The following UNC13B variants were observed in gnomAD, a reference collection of about 807,000 sequenced individuals.
UNC13B encodes the protein protein unc-13 homolog B.
Under a neutral mutation model 211.0 loss-of-function variants are expected in UNC13B, and 144 were observed. That is an observed-to-expected ratio of 0.68 (90% CI 0.60 to 0.78). The LOEUF is 0.78. Ranked by LOEUF, UNC13B falls within the 30% of genes least tolerant of loss-of-function variation. The probability of loss-of-function intolerance (pLI) is 0.00; values close to 1 mark genes in which losing one functional copy is unlikely to be tolerated. For missense variants in UNC13B, 1,777 were observed against 2,002.0 expected (o/e 0.89, Z 2.14); for synonymous variants, 709 against 725.8 (o/e 0.98, Z 0.37).
At chr9:35,217,671 G>C (rs1308250018) in intron 1 of UNC13B, among the ~76,000 whole-genome samples, 1 of 152,126 alleles carries the variant, frequency 6.6e-6, no homozygotes, top group Non-Finnish European at 1.5e-5. Context: ...TTACAGGCGT[G>C]AGCCACTGTG....
At chr9:35,349,344 G>A (rs1266698819) in intron 11 of UNC13B, among the ~76,000 whole-genome samples, 3 of 146,470 alleles carry the variant, frequency 2.0e-5, no homozygotes, top group African/African-American at 7.6e-5. Context: ...CATGGTTGGG[G>A]AGGAAAAAAA....
chr9:35,393,622 A>AG (rs1835685151), intron 26 of UNC13B, among the ~76,000 whole-genome samples: 1 of 128,408 alleles, frequency 7.8e-6, no homozygotes, highest in Non-Finnish European at 1.5e-5. Flanking sequence ...CCCAGGCTGG[A>AG]GTGCAGTGGG....
At position 35,205,143 on chromosome 9, in the gene UNC13B, C is replaced by T. The variant is rs76872291; in HGVS notation, c.23-22872C>T. 7.3e-3 allele frequency among the ~76,000 whole-genome samples: 1,116 copies of T among 152,240 alleles called. 17 individuals are homozygous for T. Among genetic ancestry groups the T allele is most frequent in the African/African-American group, 0.026 (1,067 of 41,548 alleles). On this transcript the variant is annotated intron_variant, in intron 1 of 39. Coordinates refer to ENST00000635942, the MANE Select transcript of UNC13B (RefSeq NM_001371189.2). ...CTCACTCTTTTCCTCCTGCTCTGGC[C>T]ATGTGAAGTGCTATATCTCCCTTCA... is the stretch of plus-strand genomic sequence containing the variant.
chr9:35,190,370 A>G (rs890974472), intron 1 of UNC13B, among the ~76,000 whole-genome samples: 9 of 152,184 alleles, frequency 5.9e-5, no homozygotes, highest in South Asian at 4.1e-4. Context: ...TCCTTAAAGT[A>G]TATCTCCTAC....
intron 11 of UNC13B, among the ~76,000 whole-genome samples, chr9:35,327,844 G>A (rs904034700): frequency 6.6e-6 from 1 of 152,200 alleles, no homozygotes; most frequent in Non-Finnish European, 1.5e-5. Flanking sequence ...GATGGTCTCA[G>A]TCCCTCCTTT....
intron 1 of UNC13B, among the ~76,000 whole-genome samples, chr9:35,194,153 G>T (rs892777891): frequency 8.6e-5 from 13 of 152,024 alleles, no homozygotes; most frequent in Middle Eastern, 3.2e-3. Context: ...TCACTGTCGG[G>T]GGGAGCCTTC....
Position 35,310,660 on chromosome 9 carries a change from G to A in UNC13B, c.9202G>A (p.Val3068Met), listed in dbSNP as rs765746583. The A allele has an allele frequency of 6.2e-7, 1 of 1,613,960 alleles. No homozygotes were observed. Among genetic ancestry groups the A allele is most frequent in the Admixed American group, 1.7e-5 (1 of 59,988 alleles). The change falls in exon 10 of 40, where the codon GTG becomes ATG. Residue 3068 changes from valine (V) to methionine (M), a missense_variant. Physicochemically the swap from Val to Met is conservative, Grantham distance 21. Coordinates refer to ENST00000635942, the MANE Select transcript of UNC13B (RefSeq NM_001371189.2). ...GFGEQEKPLE[V>M]TGQAEKEAAC... The stretch of plus-strand genomic sequence containing the variant: ...TGGAGAACAAGAGAAACCCTTGGAG[G>A]TGACAGGTCAAGCAGAGAAGGAGGC...
intron 16 of UNC13B, 125 bp from the exon 17 acceptor site, chr9:35,378,170 T>A (rs1230431645): frequency 1.4e-5 from 18 of 1,325,060 alleles, no homozygotes; most frequent in Non-Finnish European, 1.8e-5. Context: ...AGAATAAATA[T>A]GGAGGAATGG....
chr9:35,309,788 G>C lies in UNC13B; in HGVS notation c.9009-679G>C, dbSNP rs936777872. ...CCCTGAAAGAAGCTCAGTTACAGAT[G>C]TTCATCTTTGGGACGCTTCCTATGC... On this transcript the variant is annotated intron_variant, in intron 9 of 39. Transcript: ENST00000635942. Among the ~76,000 whole-genome samples the C allele has an allele frequency of 4.6e-5, 7 of 152,202 alleles. No individual in the cohort carries two copies. In the East Asian group the frequency reaches 1.2e-3, roughly 25 times the overall value.
chr9:35,210,085 T>C (rs543307288), intron 1 of UNC13B, among the ~76,000 whole-genome samples: 1 of 151,188 alleles, frequency 6.6e-6, no homozygotes, highest in Non-Finnish European at 1.5e-5. Context: ...AAAAAAAAAA[T>C]TTTTTTTTCC....
At chr9:35,399,599 C>T (rs1251649548) in intron 35 of UNC13B, 50 bp from the exon 36 acceptor site, 1 of 1,609,424 alleles carries the variant, frequency 6.2e-7, no homozygotes, top group Non-Finnish European at 8.5e-7. Flanking sequence ...GGGTGCAAGA[C>T]TTTCATGACT....
At chr9:35,171,330 G>C (rs1821320943) in intron 1 of UNC13B, among the ~76,000 whole-genome samples, 1 of 152,070 alleles carries the variant, frequency 6.6e-6, no homozygotes, top group Non-Finnish European at 1.5e-5. Flanking sequence ...TCAAACTCCT[G>C]ACCTCAGGTG....
intron 25 of UNC13B, among the ~76,000 whole-genome samples, 176 bp from the exon 26 acceptor site, chr9:35,390,453 C>G (rs1403065312): frequency 1.3e-5 from 2 of 152,282 alleles, no homozygotes; most frequent in Non-Finnish European, 2.9e-5. Context: ...CCTCACTTGT[C>G]CTGCCACTGG....
chr9:35,313,816 A>C, intron 10 of UNC13B, 83 bp from the exon 11 acceptor site: 2 of 1,091,972 alleles, frequency 1.8e-6, no homozygotes, highest in Non-Finnish European at 2.8e-6. Context: ...ATTTTATTTT[A>C]GACATTTGGC....
intron 11 of UNC13B, 57 bp from the exon 12 acceptor site, chr9:35,366,890 T>G: frequency 1.4e-6 from 2 of 1,471,128 alleles, no homozygotes; most frequent in Non-Finnish European, 1.9e-6. Context: ...CTGCTCAGAT[T>G]ACAGGCAATC....
chr9:35,381,304 C>A, intron 19 of UNC13B, 89 bp downstream of exon 19: 2 of 1,199,784 alleles, frequency 1.7e-6, no homozygotes, highest in Non-Finnish European at 2.3e-6. Flanking sequence ...GGTTGGAATC[C>A]GAGGCCCATT....
intron 32 of UNC13B, 114 bp downstream of exon 32, chr9:35,398,756 C>T (rs571508784): frequency 1.5e-4 from 238 of 1,557,486 alleles, no homozygotes; most frequent in Admixed American, 2.8e-4. Flanking sequence ...CTTCCCTGTA[C>T]TCCTGCTGAC....
At chr9:35,378,033 G>A (rs954371270) in intron 16 of UNC13B, among the ~76,000 whole-genome samples, 4 of 152,164 alleles carry the variant, frequency 2.6e-5, no homozygotes, top group African/African-American at 9.7e-5. Context: ...TTTGCTAACT[G>A]GGTGGGGCTG....
chr9:35,261,845 C>T (rs1288464946), intron 7 of UNC13B, among the ~76,000 whole-genome samples: 1 of 152,140 alleles, frequency 6.6e-6, no homozygotes, highest in Non-Finnish European at 1.5e-5. Context: ...TAATTTTTAG[C>T]TCCCACAAAC....
Sources: allele counts gnomAD v4.1 joint callset (sites outside exome capture counted in the v4.1 genomes callset), GRCh38; gene constraint gnomAD v4.1.1; transcripts MANE v1.5; gene names NCBI Gene and HGNC (gene_info 2026-07-23, HGNC 2026-07-21).